TOP6BL: variants seen among roughly 807,000 people sequenced by gnomAD.
The protein encoded by TOP6BL is TOP6B like initiator of meiotic double strand breaks.
At chr11:66,841,208 T>G in the TOP6BL span, among the ~76,000 whole-genome samples, 2 of 137,832 alleles carry the variant, frequency 1.5e-5, no homozygotes, top group Non-Finnish European at 3.1e-5. Flanking sequence ...CCTCCCTGCC[T>G]CCCAAGTTCA....
chr11:66,840,913 ACT>A, the TOP6BL span, among the ~76,000 whole-genome samples: 6 of 151,716 alleles, frequency 4.0e-5, no homozygotes, highest in African/African-American at 7.3e-5. Flanking sequence ...TGGGCTCAAG[ACT>A]CTCAAATTGG....
At chr11:66,823,357 T>C in the TOP6BL span, among the ~76,000 whole-genome samples, 13 of 149,226 alleles carry the variant, frequency 8.7e-5, no homozygotes, top group African/African-American at 3.0e-4. Flanking sequence ...CTTTGTAAAA[T>C]GTACAGTATT....
chr11:66,838,252 C>T, the TOP6BL span: 1 of 787,944 alleles, frequency 1.3e-6, no homozygotes, highest in Non-Finnish European at 2.1e-6. Context: ...AGAGGGAGTT[C>T]CAGGTGAGGG....
At chr11:66,791,059 A>G in the TOP6BL span, among the ~76,000 whole-genome samples, 8 of 152,242 alleles carry the variant, frequency 5.3e-5, no homozygotes, top group Non-Finnish European at 1.2e-4. Context: ...AATGAAGAGA[A>G]TGAGAAGAGA....
the TOP6BL span, chr11:66,762,485 T>A: frequency 3.8e-6 from 1 of 262,600 alleles, no homozygotes; most frequent in South Asian, 3.7e-5. Flanking sequence ...TGTTTGTTTC[T>A]TTGAGACGGA....
the TOP6BL span, chr11:66,843,456 A>G: frequency 7.1e-7 from 1 of 1,406,082 alleles, no homozygotes; most frequent in Non-Finnish European, 9.1e-7. Flanking sequence ...TCAGGGCGCA[A>G]TGGCGGCGCT....
the TOP6BL span, chr11:66,813,969 A>G: frequency 1.2e-6 from 2 of 1,613,862 alleles, no homozygotes; most frequent in Non-Finnish European, 1.7e-6. Context: ...ACTGGAAAAA[A>G]TACCATTTGT....
At chr11:66,800,412 G>A in the TOP6BL span, among the ~76,000 whole-genome samples, 1 of 152,118 alleles carries the variant, frequency 6.6e-6, no homozygotes, top group African/African-American at 2.4e-5. Context: ...ATGCTAGTAA[G>A]TTATGTGATA....
At chr11:66,783,012 T>G in the TOP6BL span, among the ~76,000 whole-genome samples, 1 of 152,144 alleles carries the variant, frequency 6.6e-6, no homozygotes, top group Non-Finnish European at 1.5e-5. Context: ...GGTAAACATT[T>G]TAAGTCTCTC....
At chr11:66,799,343 G>C in the TOP6BL span, among the ~76,000 whole-genome samples, 4 of 148,988 alleles carry the variant, frequency 2.7e-5, no homozygotes, top group East Asian at 7.9e-4. Context: ...CTGAGATTTT[G>C]CCACTGCACT....
the TOP6BL span, among the ~76,000 whole-genome samples, chr11:66,828,560 A>T: frequency 1.3e-5 from 2 of 152,186 alleles, no homozygotes; most frequent in African/African-American, 4.8e-5. Context: ...CTGGTGTCCA[A>T]TGTCTTGAAA....
At chr11:66,784,357 T>C in the TOP6BL span, among the ~76,000 whole-genome samples, 1 of 152,128 alleles carries the variant, frequency 6.6e-6, no homozygotes, top group Non-Finnish European at 1.5e-5. Flanking sequence ...TTTATAGAGA[T>C]GGGGTTTTGC....
the TOP6BL span, among the ~76,000 whole-genome samples, chr11:66,795,064 G>T: frequency 6.7e-6 from 1 of 150,222 alleles, no homozygotes; most frequent in African/African-American, 2.5e-5. Flanking sequence ...AACCCGGGAG[G>T]CAGAGGTTGC....
the TOP6BL span, among the ~76,000 whole-genome samples, chr11:66,747,276 C>T: frequency 2.0e-5 from 3 of 152,066 alleles, no homozygotes; most frequent in African/African-American, 7.2e-5. Flanking sequence ...TCCTGTTCAA[C>T]TTAAAATATT....
At chr11:66,754,359 T>C in the TOP6BL span, among the ~76,000 whole-genome samples, 1 of 152,198 alleles carries the variant, frequency 6.6e-6, no homozygotes, top group Non-Finnish European at 1.5e-5. Flanking sequence ...TCATAATTTT[T>C]ATCTCTTCTA....
At chr11:66,791,904 G>A in the TOP6BL span, among the ~76,000 whole-genome samples, 3 of 150,324 alleles carry the variant, frequency 2.0e-5, no homozygotes, top group Non-Finnish European at 3.0e-5. Context: ...TGCAAGCTCC[G>A]CCTCCCAGGT....
the TOP6BL span, among the ~76,000 whole-genome samples, chr11:66,802,320 T>C: frequency 6.6e-6 from 1 of 152,078 alleles, no homozygotes; most frequent in East Asian, 1.9e-4. Flanking sequence ...GCCCAGCTAA[T>C]TTTTTTGTAT....
At chr11:66,765,379 A>G in the TOP6BL span, among the ~76,000 whole-genome samples, 3 of 152,268 alleles carry the variant, frequency 2.0e-5, no homozygotes, top group East Asian at 1.9e-4. Flanking sequence ...AGTACTGCAC[A>G]TCAAGTACAT....
chr11:66,812,548 G>A, the TOP6BL span, among the ~76,000 whole-genome samples: 2 of 152,118 alleles, frequency 1.3e-5, no homozygotes, highest in South Asian at 4.1e-4. Flanking sequence ...AATGCCTTCT[G>A]AGATTTGTGA....
Sources: gnomAD v4.1 joint callset for allele counts (sites outside exome capture counted in the v4.1 genomes callset) on GRCh38, gnomAD v4.1.1 for gene constraint, MANE v1.5 for transcripts, NCBI Gene and HGNC (gene_info 2026-07-23, HGNC 2026-07-21) for gene names.